CSMD1: variants seen among roughly 807,000 people sequenced by gnomAD.
CSMD1 encodes the protein CUB and Sushi multiple domains 1.
CSMD1 carries 213 observed loss-of-function variants against 417.5 expected under a neutral mutation model. The observed-to-expected ratio is 0.51, with a 90% CI of 0.46 to 0.57. The LOEUF is 0.57. CSMD1 is among the 20% of genes least tolerant of loss of function. CSMD1 has a pLI of 0.00. For missense variants in CSMD1, 6,923 were observed against 4,529.7 expected (o/e 1.53, Z -15.17); for synonymous variants, 2,862 against 1,736.8 (o/e 1.65, Z -16.11).
intron 3 of CSMD1, among the ~76,000 whole-genome samples, chr8:4,229,823 A>G (rs1340380903): frequency 6.6e-6 from 1 of 152,154 alleles, no homozygotes; most frequent in Non-Finnish European, 1.5e-5. Context: ...AAACGTATGA[A>G]TCCCAAGAGG....
intron 3 of CSMD1, among the ~76,000 whole-genome samples, chr8:4,099,658 C>T (rs759189831): frequency 2.0e-5 from 3 of 152,106 alleles, no homozygotes; most frequent in South Asian, 2.1e-4. Context: ...TAAACCAATG[C>T]AGTCTGCTTA....
chr8:3,270,551 G>A (rs1316288844), intron 26 of CSMD1, among the ~76,000 whole-genome samples: 1 of 152,164 alleles, frequency 6.6e-6, no homozygotes, highest in African/African-American at 2.4e-5. Flanking sequence ...GTGATCAAGA[G>A]TAAAAGAACT....
At chr8:3,060,798 G>C (rs949410395) in intron 49 of CSMD1, among the ~76,000 whole-genome samples, 2 of 152,126 alleles carry the variant, frequency 1.3e-5, no homozygotes, top group African/African-American at 4.8e-5. Context: ...CTCTTTCTTT[G>C]TGAATGGGAT....
rs147842402 is a variant in CSMD1 at position 3,178,007 on chromosome 8, T to C, written c.5725+3103A>G. Among the ~76,000 whole-genome samples, 23 of 152,348 alleles carry C rather than the reference T, an allele frequency of 1.5e-4. No homozygotes were observed. In the East Asian group the frequency reaches 2.7e-3, roughly 18 times the overall value. ...AACGTGAACGAAGACTAAATGGCTA[T>C]AGAATATATTAATAATTCAAAGATG... On this transcript the variant is annotated intron_variant, in intron 37 of 69. Coordinates refer to ENST00000635120, the MANE Select transcript of CSMD1 (RefSeq NM_033225.6).
At chr8:3,669,817 C>G (rs1345899139) in intron 7 of CSMD1, among the ~76,000 whole-genome samples, 1 of 152,148 alleles carries the variant, frequency 6.6e-6, no homozygotes, top group Non-Finnish European at 1.5e-5. Context: ...ACAGCCAATT[C>G]AGAGAACAGG....
chr8:3,207,365 G>A (rs1000087809), intron 30 of CSMD1, among the ~76,000 whole-genome samples: 10 of 149,778 alleles, frequency 6.7e-5, no homozygotes, highest in African/African-American at 2.2e-4. Context: ...GGCTGGTCTC[G>A]AACTCCTGAC....
intron 52 of CSMD1, among the ~76,000 whole-genome samples, chr8:3,012,549 TATCTC>T (rs1808476479): frequency 6.6e-6 from 1 of 152,050 alleles, no homozygotes; most frequent in Non-Finnish European, 1.5e-5. Context: ...AACTACAAAA[TATCTC>T]AGCCACAATT....
chr8:4,631,397 T>TC (rs1802504433), intron 2 of CSMD1, among the ~76,000 whole-genome samples: 1 of 145,534 alleles, frequency 6.9e-6, no homozygotes, highest in Non-Finnish European at 1.5e-5. Context: ...TACCTTGGTT[T>TC]GTTTTTTTTT....
chr8:3,394,002 A>ATAAT (rs58338365), intron 17 of CSMD1, among the ~76,000 whole-genome samples: 78 of 95,274 alleles, frequency 8.2e-4, no homozygotes, highest in South Asian at 1.7e-3. Flanking sequence ...AATAATAATA[A>ATAAT]AAAAATAAAT....
At chr8:3,802,215 A>C (rs1800494161) in intron 5 of CSMD1, among the ~76,000 whole-genome samples, 1 of 152,194 alleles carries the variant, frequency 6.6e-6, no homozygotes, top group Non-Finnish European at 1.5e-5. Context: ...CACCTTGTAA[A>C]TTCTTAAAAA....
chr8:3,809,439 A>C (rs1800937623), intron 5 of CSMD1, among the ~76,000 whole-genome samples: 1 of 152,228 alleles, frequency 6.6e-6, no homozygotes, highest in Non-Finnish European at 1.5e-5. Context: ...AAAAGTGATT[A>C]GTACAAACTA....
intron 2 of CSMD1, among the ~76,000 whole-genome samples, chr8:4,599,659 G>C (rs575205896): frequency 6.6e-6 from 1 of 152,144 alleles, no homozygotes; most frequent in Admixed American, 6.5e-5. Flanking sequence ...TTATTTGTAG[G>C]AATGACATGC....
intron 3 of CSMD1, among the ~76,000 whole-genome samples, chr8:4,334,276 C>T (rs542853067): frequency 2.0e-5 from 3 of 152,094 alleles, no homozygotes; most frequent in East Asian, 3.9e-4. Context: ...ATGCCTTACA[C>T]GTGTTTGGTC....
At chr8:3,476,427 T>C (rs1207678136) in intron 11 of CSMD1, among the ~76,000 whole-genome samples, 1 of 152,174 alleles carries the variant, frequency 6.6e-6, no homozygotes, top group Non-Finnish European at 1.5e-5. Context: ...TCACATGGTA[T>C]AAAATTTTTC....
intron 4 of CSMD1, among the ~76,000 whole-genome samples, chr8:4,024,366 T>A (rs938837497): frequency 6.6e-6 from 1 of 152,208 alleles, no homozygotes; most frequent in African/African-American, 2.4e-5. Flanking sequence ...TTCTGTGGCA[T>A]AAGAGTATGG....
intron 2 of CSMD1, among the ~76,000 whole-genome samples, chr8:4,630,265 T>C (rs1802431298): frequency 6.7e-6 from 1 of 148,938 alleles, no homozygotes; most frequent in African/African-American, 2.5e-5. Context: ...ACACAGCAAA[T>C]ACACACACAC....
chr8:3,373,607 T>G (rs1238073097), intron 18 of CSMD1: 1 of 152,162 alleles, frequency 6.6e-6, no homozygotes, highest in Admixed American at 6.6e-5. Flanking sequence ...TCTATACAGG[T>G]GAGGGCTGTA....
chr8:3,342,345 G>A (rs1345199273), intron 23 of CSMD1, among the ~76,000 whole-genome samples: 2 of 151,964 alleles, frequency 1.3e-5, no homozygotes, highest in Admixed American at 6.6e-5. Context: ...ATCAAATAAA[G>A]GTATCCATCA....
intron 5 of CSMD1, among the ~76,000 whole-genome samples, chr8:3,815,480 A>C (rs900740491): frequency 1.7e-4 from 26 of 152,210 alleles, no homozygotes; most frequent in Admixed American, 1.6e-3. Flanking sequence ...GTAAATATAA[A>C]AGTTAAACTC....
Sources: allele counts gnomAD v4.1 joint callset (sites outside exome capture counted in the v4.1 genomes callset), GRCh38; gene constraint gnomAD v4.1.1; transcripts MANE v1.5; gene names NCBI Gene and HGNC (gene_info 2026-07-23, HGNC 2026-07-21).